THSD4: variants seen among roughly 807,000 people sequenced by gnomAD.
The protein encoded by THSD4 is thrombospondin type 1 domain containing 4, also known as thrombospondin type-1 domain-containing protein 4.
Under a neutral mutation model 119.0 loss-of-function variants are expected in THSD4, and 69 were observed. The ratio of observed to expected loss-of-function variants is 0.58; its 90% confidence interval spans 0.48 to 0.71. THSD4 has a LOEUF of 0.71. Among genes scored for constraint, THSD4 ranks in the 30% least tolerant of loss-of-function variants. The pLI, the probability that THSD4 is intolerant of heterozygous loss-of-function variation, is 0.00. For missense variants in THSD4, 1,393 were observed against 1,391.1 expected (o/e 1.00, Z -0.02); for synonymous variants, 524 against 540.4 (o/e 0.97, Z 0.42).
At chr15:71,374,054 G>T (rs968002793) in intron 6 of THSD4, among the ~76,000 whole-genome samples, 2 of 152,170 alleles carry the variant, frequency 1.3e-5, no homozygotes, top group Non-Finnish European at 2.9e-5. Flanking sequence ...TATGCAAAAT[G>T]CTGGCTTGTA....
chr15:71,220,961 T>C (rs956369181), intron 4 of THSD4, among the ~76,000 whole-genome samples: 9 of 152,180 alleles, frequency 5.9e-5, no homozygotes, highest in Non-Finnish European at 1.3e-4. Flanking sequence ...GGGTTCATCC[T>C]TCAGGTCTTG....
intron 3 of THSD4, among the ~76,000 whole-genome samples, chr15:71,210,831 C>A (rs1360607196): frequency 6.6e-6 from 1 of 152,152 alleles, no homozygotes; most frequent in Non-Finnish European, 1.5e-5. Context: ...AGATAAATTA[C>A]ATTCCATTGT....
At chr15:71,213,099 C>G (rs2043900854) in intron 3 of THSD4, among the ~76,000 whole-genome samples, 1 of 152,210 alleles carries the variant, frequency 6.6e-6, no homozygotes. Context: ...TGAAGATCAG[C>G]AGTTCAAAAT....
intron 7 of THSD4, among the ~76,000 whole-genome samples, chr15:71,561,932 A>T (rs28685137): frequency 0.52 from 76,929 of 148,056 alleles, 20,711 homozygotes; most frequent in African/African-American, 0.64. Context: ...ACACTCACTC[A>T]CTCTCTCTCT....
At chr15:71,486,258 A>AT (rs1453832744) in intron 7 of THSD4, among the ~76,000 whole-genome samples, 5 of 151,826 alleles carry the variant, frequency 3.3e-5, no homozygotes, top group Non-Finnish European at 5.9e-5. Flanking sequence ...TAAGTCCTGA[A>AT]TTTTTTTCCT....
intron 4 of THSD4, among the ~76,000 whole-genome samples, chr15:71,236,193 GC>G (rs2044104296): frequency 6.6e-6 from 1 of 152,210 alleles, no homozygotes; most frequent in African/African-American, 2.4e-5. Flanking sequence ...AACACGGAGA[GC>G]CTAAGAAACA....
chr15:71,116,049 CG>C (rs980128838), intron 1 of THSD4, among the ~76,000 whole-genome samples: 1 of 152,242 alleles, frequency 6.6e-6, no homozygotes, highest in African/African-American at 2.4e-5. Context: ...CCGTGCTCCC[CG>C]GGTCGGGTCG....
chr15:71,142,672 A>G (rs1596221351), intron 2 of THSD4, among the ~76,000 whole-genome samples: 2 of 152,310 alleles, frequency 1.3e-5, no homozygotes, highest in East Asian at 3.9e-4. Flanking sequence ...ATCCTAACCC[A>G]TTACAGGTAA....
intron 6 of THSD4, among the ~76,000 whole-genome samples, chr15:71,380,450 A>G (rs747273786): frequency 3.3e-5 from 5 of 152,254 alleles, no homozygotes; most frequent in East Asian, 1.9e-4. Context: ...TTGATGCTCA[A>G]TGAATGGCTG....
At chr15:71,174,277 G>A (rs1008264411) in intron 3 of THSD4, among the ~76,000 whole-genome samples, 3 of 152,118 alleles carry the variant, frequency 2.0e-5, no homozygotes, top group African/African-American at 7.2e-5. Flanking sequence ...GTGGGCGCAG[G>A]CCAGTGTGTG....
chr15:71,723,341 C>A (rs779583225), intron 8 of THSD4, among the ~76,000 whole-genome samples: 1 of 152,176 alleles, frequency 6.6e-6, no homozygotes, highest in African/African-American at 2.4e-5. Flanking sequence ...AAAATGTTTG[C>A]TAATTTGGAT....
chr15:71,422,518 TC>T (rs1460823255), intron 7 of THSD4, among the ~76,000 whole-genome samples: 1 of 152,174 alleles, frequency 6.6e-6, no homozygotes, highest in Admixed American at 6.5e-5. Flanking sequence ...TGTTGTTGTC[TC>T]CCCTTACTTT....
intron 7 of THSD4, among the ~76,000 whole-genome samples, chr15:71,476,613 C>T (rs1299242279): frequency 6.6e-6 from 1 of 152,230 alleles, no homozygotes; most frequent in Non-Finnish European, 1.5e-5. Flanking sequence ...TCCAGATTGG[C>T]AGCTGCTGTA....
At position 71,780,933 on chromosome 15, in the gene THSD4, AAAC is replaced by A. The variant is rs1204177138; in HGVS notation, c.*3562_*3564del. ...ATCCAGATATTACCAGGACCTGTCT[AAAC>A]AAATGTTGTGGGTTTTCTTTTCATT... On this transcript the variant is annotated 3_prime_UTR_variant, in exon 18 of 18. Transcript: ENST00000261862. 1 of 375,932 alleles carries A rather than the reference AAAC, an allele frequency of 2.7e-6. No homozygotes were observed. The highest frequency in any genetic ancestry group is 5.3e-6 in the Non-Finnish European group (1 of 188,978). 23.3% of individuals were successfully genotyped at this position (375,932 alleles called of 1,614,324 possible). A position where few individuals can be genotyped will look rare whatever the true frequency, so the allele number is the denominator to read the frequency against.
At chr15:71,256,756 T>A in intron 6 of THSD4, 41 bp downstream of exon 6, 23 of 1,572,244 alleles carry the variant, frequency 1.5e-5, no homozygotes, top group Non-Finnish European at 1.8e-5. Context: ...GTTACTTTAG[T>A]CTGTTTTCCA....
At chr15:71,450,274 A>G (rs1163881296) in intron 7 of THSD4, among the ~76,000 whole-genome samples, 1 of 152,188 alleles carries the variant, frequency 6.6e-6, no homozygotes, top group Non-Finnish European at 1.5e-5. Flanking sequence ...CCTGGAAAAA[A>G]GTGGAGACTC....
At chr15:71,256,572 A>T in intron 5 of THSD4, 41 bp from the exon 6 acceptor site, 1 of 1,552,844 alleles carries the variant, frequency 6.4e-7, no homozygotes, top group South Asian at 1.1e-5. Context: ...AGCTATGAAA[A>T]GTATGGACAC....
intron 3 of THSD4, among the ~76,000 whole-genome samples, chr15:71,199,890 G>GGGT (rs755774897): frequency 2.6e-5 from 1 of 39,104 alleles, no homozygotes; most frequent in Non-Finnish European, 1.2e-4. Flanking sequence ...GTGCATGTGT[G>GGGT]GTATGTGTGT....
intron 5 of THSD4, among the ~76,000 whole-genome samples, chr15:71,249,034 G>A (rs1356419917): frequency 6.6e-6 from 1 of 152,016 alleles, no homozygotes; most frequent in East Asian, 1.9e-4. Flanking sequence ...TGTTTTTGCA[G>A]CATTTGTCTT....
Sources: allele counts gnomAD v4.1 joint callset (sites outside exome capture counted in the v4.1 genomes callset), GRCh38; gene constraint gnomAD v4.1.1; transcripts MANE v1.5; gene names NCBI Gene and HGNC (gene_info 2026-07-23, HGNC 2026-07-21).